The following INPP4B variants were observed in gnomAD, a reference collection of about 807,000 sequenced individuals.
INPP4B encodes inositol polyphosphate 4-phosphatase type II.
Under a neutral mutation model 122.5 loss-of-function variants are expected in INPP4B, and 55 were observed. The observed-to-expected ratio is 0.45, with a 90% CI of 0.36 to 0.56. The LOEUF is 0.56. INPP4B is among the 20% of genes least tolerant of loss of function. The pLI is 0.00. For synonymous variants in INPP4B, 403 were observed against 388.7 expected (o/e 1.04, Z -0.43); for missense variants, 1,000 against 1,097.7 (o/e 0.91, Z 1.26).
At chr4:142,535,294 G>T (rs903725511) in intron 2 of INPP4B, among the ~76,000 whole-genome samples, 2 of 152,206 alleles carry the variant, frequency 1.3e-5, no homozygotes, top group African/African-American at 4.8e-5. Flanking sequence ...GGGTACATCT[G>T]CTTTTCTTGC....
chr4:142,732,650 A>G (rs1727460162), intron 1 of INPP4B, among the ~76,000 whole-genome samples: 1 of 152,128 alleles, frequency 6.6e-6, no homozygotes. Flanking sequence ...ATCTACACCA[A>G]AAATCTACAA....
At chr4:142,458,361 G>A (rs930585660) in intron 3 of INPP4B, among the ~76,000 whole-genome samples, 6 of 151,916 alleles carry the variant, frequency 3.9e-5, no homozygotes, top group Admixed American at 1.3e-4. Flanking sequence ...TGGTGGCTGC[G>A]CAAATGTGTG....
intron 1 of INPP4B, among the ~76,000 whole-genome samples, chr4:142,782,819 A>C (rs1480029458): frequency 1.3e-5 from 2 of 151,818 alleles, no homozygotes; most frequent in Non-Finnish European, 2.9e-5. Flanking sequence ...AAACAGAGAT[A>C]TAGATCAATG....
intron 25 of INPP4B, among the ~76,000 whole-genome samples, chr4:142,067,837 G>A (rs1477345549): frequency 6.6e-6 from 1 of 152,186 alleles, no homozygotes; most frequent in Non-Finnish European, 1.5e-5. Context: ...TATGTGAAAA[G>A]ACCAAATCTA....
intron 2 of INPP4B, among the ~76,000 whole-genome samples, chr4:142,618,312 G>A (rs566281145): frequency 4.6e-5 from 7 of 152,034 alleles, no homozygotes; most frequent in Admixed American, 1.3e-4. Context: ...GAGAAATCAC[G>A]CTTCCTGGTT....
intron 2 of INPP4B, among the ~76,000 whole-genome samples, chr4:142,714,216 T>C (rs2150808875): frequency 6.6e-6 from 1 of 152,324 alleles, no homozygotes; most frequent in Non-Finnish European, 1.5e-5. Flanking sequence ...TTTAGAAATA[T>C]GTTTTCCTAT....
chr4:142,299,399 C>T (rs1488679931), intron 9 of INPP4B, among the ~76,000 whole-genome samples: 1 of 151,994 alleles, frequency 6.6e-6, no homozygotes, highest in Non-Finnish European at 1.5e-5. Flanking sequence ...AAGGGATCCT[C>T]TTGCCTCGGC....
intron 12 of INPP4B, among the ~76,000 whole-genome samples, chr4:142,212,470 T>C (rs1042072708): frequency 1.3e-5 from 2 of 152,198 alleles, no homozygotes; most frequent in African/African-American, 4.8e-5. Context: ...GAGTCTTGCT[T>C]GCTGCAATTT....
At chr4:142,585,797 G>C (rs1018334863) in intron 2 of INPP4B, among the ~76,000 whole-genome samples, 2 of 151,464 alleles carry the variant, frequency 1.3e-5, no homozygotes, top group African/African-American at 4.9e-5. Flanking sequence ...GAGTATAAGA[G>C]ATTAGAGACA....
In INPP4B at chr4:142,405,150, C is replaced by T. The variant is rs538347736; in HGVS notation, c.255+56G>A. ...GAGGGAGAGAGAGAGCAAGAGCGAG[C>T]GAGCCAGCAAGAGAGAGAGAGAGAG... On this transcript the variant is annotated intron_variant, in intron 6 of 25. Coordinates refer to ENST00000262992, the MANE Select transcript of INPP4B (RefSeq NM_001101669.3). 2.5e-5 allele frequency: 24 copies of T among 943,764 alleles called. No homozygotes were observed. In the East Asian group the frequency reaches 5.7e-4, roughly 22 times the overall value. The allele number at this position is 943,764 out of a possible 1,614,324, so 58.5% of individuals were successfully genotyped here. A position where few individuals can be genotyped will look rare whatever the true frequency, so the allele number is the denominator to read the frequency against.
intron 2 of INPP4B, among the ~76,000 whole-genome samples, chr4:142,722,517 G>A (rs1004965195): frequency 6.6e-6 from 1 of 152,022 alleles, no homozygotes; most frequent in Non-Finnish European, 1.5e-5. Context: ...ATATTGCACA[G>A]AAACTAATAC....
chr4:142,736,945 T>C (rs1007950542), intron 1 of INPP4B, among the ~76,000 whole-genome samples: 5 of 151,912 alleles, frequency 3.3e-5, no homozygotes, highest in East Asian at 3.9e-4. Context: ...TTGTCATAGA[T>C]AGCTCGAAAT....
chr4:142,502,042 A>G, intron 2 of INPP4B, among the ~76,000 whole-genome samples: 1 of 152,204 alleles, frequency 6.6e-6, no homozygotes, highest in East Asian at 1.9e-4. Context: ...AAGAAGGTAA[A>G]ATAACAGTTA....
intron 7 of INPP4B, among the ~76,000 whole-genome samples, chr4:142,326,936 T>C (rs562116050): frequency 6.6e-6 from 1 of 152,310 alleles, no homozygotes; most frequent in Admixed American, 6.5e-5. Context: ...CATTAGCAAA[T>C]TGCAGACATT....
chr4:142,054,551 T>A (rs565550669), intron 25 of INPP4B, among the ~76,000 whole-genome samples: 18 of 151,120 alleles, frequency 1.2e-4, no homozygotes, highest in African/African-American at 4.3e-4. Flanking sequence ...CACAATAATA[T>A]AAAAGTGAGA....
At chr4:142,539,884 A>T (rs944768152) in intron 2 of INPP4B, among the ~76,000 whole-genome samples, 1 of 152,006 alleles carries the variant, frequency 6.6e-6, no homozygotes, top group African/African-American at 2.4e-5. Flanking sequence ...TAGGGAAAAA[A>T]ATTACTAAGT....
At chr4:142,560,307 A>G (rs1730173223) in intron 2 of INPP4B, 1 of 152,228 alleles carries the variant, frequency 6.6e-6, no homozygotes, top group African/African-American at 2.4e-5. Flanking sequence ...GCACAAGACA[A>G]TCAGGCTCCT....
At chr4:142,521,369 C>T (rs894649417) in intron 2 of INPP4B, among the ~76,000 whole-genome samples, 17 of 151,860 alleles carry the variant, frequency 1.1e-4, no homozygotes, top group Non-Finnish European at 2.4e-4. Context: ...AAAAGTTTTG[C>T]AGCAAAGAAA....
chr4:142,551,008 A>G (rs1727859402), intron 2 of INPP4B, among the ~76,000 whole-genome samples: 1 of 152,182 alleles, frequency 6.6e-6, no homozygotes, highest in South Asian at 2.1e-4. Context: ...CAAAATAGGA[A>G]GCGATAACAC....
Sources: gnomAD v4.1 joint callset for allele counts (sites outside exome capture counted in the v4.1 genomes callset) on GRCh38, gnomAD v4.1.1 for gene constraint, MANE v1.5 for transcripts, NCBI Gene and HGNC (gene_info 2026-07-23, HGNC 2026-07-21) for gene names.